The following BBOF1 variants were observed in gnomAD, a reference collection of about 807,000 sequenced individuals.
The protein encoded by BBOF1 is basal body orientation factor 1, also known as basal body-orientation factor 1.
In BBOF1, 62 loss-of-function variants were observed where a neutral mutation model predicts 68.0. That is an observed-to-expected ratio of 0.91 (90% CI 0.74 to 1.13). The LOEUF (loss-of-function observed/expected upper bound fraction) is 1.13. Ranked by LOEUF, BBOF1 falls within the 50% of genes most tolerant of loss-of-function variation. The probability of loss-of-function intolerance (pLI) is 0.00; values close to 1 mark genes in which losing one functional copy is unlikely to be tolerated. For missense variants in BBOF1, 534 were observed against 600.1 expected (o/e 0.89, Z 1.15); for synonymous variants, 208 against 198.8 (o/e 1.05, Z -0.39).
At chr14:74,030,543 T>C (rs530470566) in intron 3 of BBOF1, among the ~76,000 whole-genome samples, 16 of 152,176 alleles carry the variant, frequency 1.1e-4, no homozygotes, top group African/African-American at 3.9e-4. Context: ...TCGCCCAGGC[T>C]GGAGTGCAGT....
At chr14:74,057,757 A>T (rs749072533) in intron 11 of BBOF1, 36 of 1,137,796 alleles carry the variant, frequency 3.2e-5, no homozygotes, top group Non-Finnish European at 3.8e-5. Flanking sequence ...ATTAGAACAA[A>T]AAGAAAATAC....
chr14:74,033,239 T>C (rs1412225186), intron 3 of BBOF1, among the ~76,000 whole-genome samples: 1 of 152,178 alleles, frequency 6.6e-6, no homozygotes, highest in Non-Finnish European at 1.5e-5. Flanking sequence ...TCAATGCAGA[T>C]GGTATCTTTT....
chr14:74,074,346 G>T (rs1368154228), intron 9 of BBOF1, among the ~76,000 whole-genome samples: 2 of 150,704 alleles, frequency 1.3e-5, no homozygotes, highest in Non-Finnish European at 2.9e-5. Context: ...GAGTGCAATG[G>T]TGCGATCTTG....
At chr14:74,029,324 C>A in intron 3 of BBOF1, 75 bp downstream of exon 3, 2 of 890,480 alleles carry the variant, frequency 2.2e-6, no homozygotes, top group Non-Finnish European at 3.6e-6. Context: ...ATTTAAGACC[C>A]AATGACAGTG....
At chr14:74,080,325 T>C (rs187982368) in intron 10 of BBOF1, among the ~76,000 whole-genome samples, 3 of 151,946 alleles carry the variant, frequency 2.0e-5, no homozygotes, top group Non-Finnish European at 2.9e-5. Context: ...CCTTCCATAA[T>C]AGCTTCCTAA....
chr14:74,068,548 G>T (rs1245544918), downstream of BBOF1, among the ~76,000 whole-genome samples: 1 of 151,978 alleles, frequency 6.6e-6, no homozygotes, highest in East Asian at 1.9e-4. Context: ...AAACCATCCT[G>T]GCCAACATGG....
intron 2 of BBOF1, among the ~76,000 whole-genome samples, chr14:74,028,507 C>A (rs1055794448): frequency 0.028 from 3,254 of 117,300 alleles, 80 homozygotes; most frequent in South Asian, 0.12. Context: ...CACACACACA[C>A]ACACAAATAG....
chr14:74,044,287 A>G (rs1421078519), intron 5 of BBOF1, among the ~76,000 whole-genome samples: 1 of 151,380 alleles, frequency 6.6e-6, no homozygotes, highest in Non-Finnish European at 1.5e-5. Context: ...AAATAATAAA[A>G]CGACCTCCTC....
intron 5 of BBOF1, among the ~76,000 whole-genome samples, chr14:74,042,904 AC>A (rs1477463596): frequency 6.6e-6 from 1 of 150,506 alleles, no homozygotes; most frequent in African/African-American, 2.5e-5. Flanking sequence ...ACACACACAC[AC>A]ACACACTACT....
Position 74,065,517 on chromosome 14 carries a change from C to T in BBOF1, c.*818C>T. ...CAAATCACCTATTTAAAAAAAAAGTCCTCTCTCAAGTGTATTCCGTCTTCC... is the reference window on the plus strand; with the variant it reads ...CAAATCACCTATTTAAAAAAAAAGTTCTCTCTCAAGTGTATTCCGTCTTCC... On this transcript the variant is annotated 3_prime_UTR_variant, in exon 12 of 12. Coordinates refer to ENST00000394009, the MANE Select transcript of BBOF1 (RefSeq NM_025057.3). The T allele has an allele frequency of 1.4e-6, 1 of 739,372 alleles. No homozygotes were observed. Among genetic ancestry groups the T allele is most frequent in the South Asian group, 1.7e-5 (1 of 58,702 alleles). 45.8% of individuals were successfully genotyped at this position (739,372 alleles called of 1,614,324 possible). A position where few individuals can be genotyped will look rare whatever the true frequency, so the allele number is the denominator to read the frequency against.
At chr14:74,051,821 A>G (rs751850992) in intron 8 of BBOF1, among the ~76,000 whole-genome samples, 1 of 151,744 alleles carries the variant, frequency 6.6e-6, no homozygotes, top group East Asian at 1.9e-4. Flanking sequence ...GGCTCAAGTG[A>G]TCCTCCTGCC....
chr14:74,035,584 A>ATTTTTTTTTTT lies in BBOF1; in HGVS notation c.495+1431_495+1441dup, dbSNP rs71460945. On this transcript the variant is annotated intron_variant, in intron 4 of 11. Coordinates refer to ENST00000394009, the MANE Select transcript of BBOF1 (RefSeq NM_025057.3). ...AGGCGTGCACCACCACCCCCAGCTA[A>ATTTTTTTTTTT]TTTTTTTTTTTTTTTTTTTTTTTTT... Among the ~76,000 whole-genome samples, 58 of 81,392 alleles carry ATTTTTTTTTTT rather than the reference A, an allele frequency of 7.1e-4. 7 individuals carry two copies. The highest frequency in any genetic ancestry group is 3.3e-3 in the African/African-American group (51 of 15,658). The allele number at this position is 81,392 out of a possible 152,430, so 53.4% of individuals were successfully genotyped here.
chr14:74,031,338 C>G (rs940301421), intron 3 of BBOF1, among the ~76,000 whole-genome samples: 3 of 152,100 alleles, frequency 2.0e-5, no homozygotes, highest in African/African-American at 4.8e-5. Context: ...ATCTTGAACT[C>G]CTGGCCTTAA....
chr14:74,024,456 A>G (rs2059379775), intron 2 of BBOF1, among the ~76,000 whole-genome samples: 1 of 152,050 alleles, frequency 6.6e-6, no homozygotes. Context: ...ACTCTGTCTC[A>G]TATTATTATT....
chr14:74,034,155 A>C lies in BBOF1; in HGVS notation c.479A>C (p.Glu160Ala). Residue 160 changes from glutamate (E) to alanine (A), a missense_variant, in exon 4 of 12, where the codon GAG becomes GCG. Coordinates refer to ENST00000394009, the MANE Select transcript of BBOF1 (RefSeq NM_025057.3). ...TTCCAGAAGAGAAAAATCCAAGTGG[A>C]GAGAGAGTTAGATGATGTAAGTTTC... ...RQFQKRKIQV[E>A]RELDDLKENL... is the part of the protein sequence containing the mutation. The C allele has an allele frequency of 6.4e-7, 1 of 1,571,062 alleles. No individual in the cohort carries two copies. The highest frequency in any genetic ancestry group is 1.9e-5 in the Admixed American group (1 of 52,066).
chr14:74,060,595 T>C (rs1172151820), intron 11 of BBOF1: 3 of 1,328,808 alleles, frequency 2.3e-6, no homozygotes, highest in Non-Finnish European at 2.2e-6. Flanking sequence ...TGGTCAAAAA[T>C]AAAGGGAGAT....
At chr14:74,041,760 G>A (rs1414139963) in intron 5 of BBOF1, among the ~76,000 whole-genome samples, 1 of 152,108 alleles carries the variant, frequency 6.6e-6, no homozygotes, top group African/African-American at 2.4e-5. Flanking sequence ...TGCTGGGCCT[G>A]GTGTGGTGGT....
Position 74,056,942 on chromosome 14 carries a change from C to T in BBOF1, c.1425C>T (p.Asp475=). The T allele has an allele frequency of 6.2e-7, 1 of 1,613,880 alleles. No homozygotes were observed. Among genetic ancestry groups the T allele is most frequent in the Non-Finnish European group, 8.5e-7 (1 of 1,179,878 alleles). The change falls in exon 10 of 12, where the codon GAC becomes GAT. Residue 475 remains aspartate, a synonymous_variant. Transcript: ENST00000394009. The part of the protein sequence containing the change: ...YNQSSRPPVP[D]YVVSDSGETK... The stretch of plus-strand genomic sequence containing the variant: ...AGAGTTCTAGGCCTCCAGTTCCAGA[C>T]TATGTTGTTTCTGACAGTGGGGAAA...
intron 8 of BBOF1, among the ~76,000 whole-genome samples, chr14:74,051,299 G>T (rs1158283736): frequency 6.6e-6 from 1 of 151,396 alleles, no homozygotes; most frequent in Non-Finnish European, 1.5e-5. Flanking sequence ...GGGGTCTGTA[G>T]TCCCAGCTAC....
Sources: allele counts gnomAD v4.1 joint callset (sites outside exome capture counted in the v4.1 genomes callset), GRCh38; gene constraint gnomAD v4.1.1; transcripts MANE v1.5; gene names NCBI Gene and HGNC (gene_info 2026-07-23, HGNC 2026-07-21).